ANKRD30B: variants seen among roughly 807,000 people sequenced by gnomAD.
ANKRD30B encodes the protein ankyrin repeat domain-containing protein 30B.
Under a neutral mutation model 202.2 loss-of-function variants are expected in ANKRD30B, and 144 were observed. That is an observed-to-expected ratio of 0.71 (90% CI 0.62 to 0.82). The LOEUF (loss-of-function observed/expected upper bound fraction) is 0.82, where lower values mean the gene tolerates loss of function less well. ANKRD30B is among the 40% of genes least tolerant of loss of function. The pLI is 0.00. For missense variants in ANKRD30B, 1,487 were observed against 1,669.1 expected (o/e 0.89, Z 1.90); for synonymous variants, 508 against 561.3 (o/e 0.91, Z 1.34).
In ANKRD30B at chr18:14,822,581, T is replaced by C. The variant is rs778723615; in HGVS notation, c.2671-24T>C. The stretch of plus-strand genomic sequence containing the variant: ...TATGAAGTATACATTATATAGTAAT[T>C]ATTGTGTTTCCAAACCCATTTAGCC... On this transcript the variant is annotated intron_variant, in intron 31 of 43. Coordinates refer to ENST00000690538, the MANE Select transcript of ANKRD30B (RefSeq NM_001367607.2). 4 of 1,168,142 alleles carry C rather than the reference T, an allele frequency of 3.4e-6. No homozygotes were observed. In the South Asian group the frequency reaches 5.4e-5, roughly 16 times the overall value. 72.4% of individuals were successfully genotyped at this position (1,168,142 alleles called of 1,614,324 possible).
intron 9 of ANKRD30B, among the ~76,000 whole-genome samples, chr18:14,773,607 T>C (rs867361871): frequency 4.0e-5 from 6 of 151,730 alleles, no homozygotes; most frequent in Middle Eastern, 6.8e-3. Context: ...CTATATTTTC[T>C]AGTATCCTCC....
At chr18:14,820,539 C>T (rs1376963792) in intron 30 of ANKRD30B, among the ~76,000 whole-genome samples, 1 of 152,134 alleles carries the variant, frequency 6.6e-6, no homozygotes, top group African/African-American at 2.4e-5. Context: ...TACATCCCAT[C>T]AATACCTAAT....
At chr18:14,866,261 T>C in the ANKRD30B span, among the ~76,000 whole-genome samples, 2 of 152,304 alleles carry the variant, frequency 1.3e-5, no homozygotes, top group South Asian at 4.1e-4. Context: ...GGCTGGAGCC[T>C]GTAACACTGT....
intron 36 of ANKRD30B, among the ~76,000 whole-genome samples, chr18:14,838,425 C>T (rs1371429802): frequency 6.6e-6 from 1 of 152,148 alleles, no homozygotes; most frequent in African/African-American, 2.4e-5. Flanking sequence ...TCTGAAGGAA[C>T]ATTTCAGGAG....
At chr18:14,751,204 T>A (rs1913391082) in intron 1 of ANKRD30B, among the ~76,000 whole-genome samples, 1 of 152,022 alleles carries the variant, frequency 6.6e-6, no homozygotes, top group Non-Finnish European at 1.5e-5. Context: ...AACTATAGAT[T>A]AATCATTTTA....
At chr18:14,781,544 A>G (rs980389165) in intron 11 of ANKRD30B, among the ~76,000 whole-genome samples, 1 of 152,236 alleles carries the variant, frequency 6.6e-6, no homozygotes, top group African/African-American at 2.4e-5. Flanking sequence ...TATGCCATGC[A>G]TCATTTTTAA....
chr18:14,778,974 T>G (rs145387928), intron 10 of ANKRD30B, among the ~76,000 whole-genome samples: 1 of 152,230 alleles, frequency 6.6e-6, no homozygotes, highest in Non-Finnish European at 1.5e-5. Context: ...ATACTACCCC[T>G]AAACAAAGAG....
chr18:14,803,500 T>C, intron 23 of ANKRD30B: 1 of 455,942 alleles, frequency 2.2e-6, no homozygotes, highest in Non-Finnish European at 4.2e-6. Flanking sequence ...TTGTTTTTCC[T>C]GCTCAGTAAC....
intron 7 of ANKRD30B, 69 bp from the exon 8 acceptor site, chr18:14,769,274 G>A (rs112227845): frequency 2.6e-5 from 33 of 1,246,676 alleles, no homozygotes; most frequent in Admixed American, 1.1e-4. Flanking sequence ...GCCCTCTTAC[G>A]TTGTTAATAC....
At chr18:14,938,902 A>C in the ANKRD30B span, among the ~76,000 whole-genome samples, 2 of 152,222 alleles carry the variant, frequency 1.3e-5, no homozygotes, top group Admixed American at 1.3e-4. Flanking sequence ...GGTATAATAA[A>C]GACAGCTTTC....
chr18:14,752,559 C>T lies in ANKRD30B; in HGVS notation c.222-7C>T. 6.2e-7 allele frequency: 1 copy of T among 1,607,194 alleles called. No homozygotes were observed. The highest frequency in any genetic ancestry group is 8.5e-7 in the Non-Finnish European group (1 of 1,176,632). On this transcript the variant is annotated splice_region_variant and splice_polypyrimidine_tract_variant and intron_variant, in intron 1 of 43. Transcript: ENST00000690538. ...TACTTTGCCTAAAAGTCCTCTCACTCTCGTAGGACTGCTCTACACTGGGCC... is the reference window on the plus strand; with the variant it reads ...TACTTTGCCTAAAAGTCCTCTCACTTTCGTAGGACTGCTCTACACTGGGCC...
chr18:14,778,040 A>G lies in ANKRD30B; in HGVS notation c.1385A>G (p.Gln462Arg). 4 of 1,548,984 alleles carry G rather than the reference A, an allele frequency of 2.6e-6. No individual in the cohort carries two copies. Among genetic ancestry groups the G allele is most frequent in the Non-Finnish European group, 3.5e-6 (4 of 1,144,956 alleles). The change falls in exon 10 of 44, where the codon CAA (glutamine) becomes CGA (arginine). Residue 462 changes from glutamine (Q) to arginine (R), a missense_variant. Coordinates refer to ENST00000690538, the MANE Select transcript of ANKRD30B (RefSeq NM_001367607.2). Reference sequence around the variant, plus strand: ...ACGTGTTTACCTGATGCTACATATCAAAAAGATATCAAAACAATAAATCAC... The same window carrying G: ...ACGTGTTTACCTGATGCTACATATCGAAAAGATATCAAAACAATAAATCAC... ...NYTCLPDATY[Q>R]KDIKTINHKI... is the part of the protein sequence containing the mutation.
At chr18:14,763,536 C>T in intron 6 of ANKRD30B, 150 bp from the exon 7 acceptor site, 1 of 1,155,990 alleles carries the variant, frequency 8.7e-7, no homozygotes, top group Non-Finnish European at 1.2e-6. Flanking sequence ...GGTAACAGAG[C>T]AAGACTCCAT....
intron 11 of ANKRD30B, among the ~76,000 whole-genome samples, chr18:14,780,721 G>GT (rs1487967069): frequency 6.6e-6 from 1 of 152,246 alleles, no homozygotes; most frequent in Non-Finnish European, 1.5e-5. Flanking sequence ...TTAAGCTGCA[G>GT]TTTTGTACAA....
chr18:14,881,295 G>A, the ANKRD30B span, among the ~76,000 whole-genome samples: 1 of 152,130 alleles, frequency 6.6e-6, no homozygotes, highest in Non-Finnish European at 1.5e-5. Flanking sequence ...TAATCATAAA[G>A]CAATGCTAGA....
intron 34 of ANKRD30B, among the ~76,000 whole-genome samples, chr18:14,832,628 T>C (rs1971002712): frequency 6.6e-6 from 1 of 152,192 alleles, no homozygotes; most frequent in Non-Finnish European, 1.5e-5. Context: ...CGGTTTTCAA[T>C]GTGAATAAAT....
intron 27 of ANKRD30B, 42 bp downstream of exon 27, chr18:14,810,056 T>C (rs949931476): frequency 1.4e-6 from 2 of 1,461,750 alleles, no homozygotes; most frequent in African/African-American, 2.8e-5. Flanking sequence ...TACCTACATA[T>C]TTTATGAAGT....
chr18:14,772,738 T>G (rs1967090126), intron 9 of ANKRD30B, among the ~76,000 whole-genome samples: 1 of 151,360 alleles, frequency 6.6e-6, no homozygotes, highest in Admixed American at 6.6e-5. Context: ...GCATGTATTA[T>G]TTTGATATCA....
At chr18:14,767,196 A>G (rs1430075443) in intron 7 of ANKRD30B, among the ~76,000 whole-genome samples, 4 of 152,108 alleles carry the variant, frequency 2.6e-5, no homozygotes, top group African/African-American at 4.8e-5. Flanking sequence ...GAGAGTGGAG[A>G]TCTGTGTTGT....
Sources: gnomAD v4.1 joint callset for allele counts (sites outside exome capture counted in the v4.1 genomes callset) on GRCh38, gnomAD v4.1.1 for gene constraint, MANE v1.5 for transcripts, NCBI Gene and HGNC (gene_info 2026-07-23, HGNC 2026-07-21) for gene names.